Variants in MRPL30 observed in about 807,000 individuals in gnomAD.
MRPL30 encodes the protein large ribosomal subunit protein uL30m.
MRPL30 carries 10 observed loss-of-function variants against 17.2 expected under a neutral mutation model. The observed-to-expected ratio is 0.58, with a 90% confidence interval of 0.36 to 0.99. The LOEUF is 0.99. MRPL30 is among the 50% of genes least tolerant of loss of function. The pLI is 0.01. For missense variants in MRPL30, 170 were observed against 189.8 expected, an observed-to-expected ratio of 0.90 and a Z score of 0.61; for synonymous variants, 61 against 62.1, an observed-to-expected ratio of 0.98 and a Z score of 0.08.
chr2:99,195,692 C>G lies in MRPL30; in HGVS notation c.473C>G (p.Ala158Gly), dbSNP rs747656275. Residue 158 changes from alanine (A) to glycine (G), a missense_variant, in exon 6 of 6, where the codon GCA becomes GGA. By Grantham distance (60) the Ala-to-Gly change is moderately conservative. Coordinates refer to ENST00000338148, the MANE Select transcript of MRPL30 (RefSeq NM_145212.4). Reference sequence around the variant, plus strand: ...CATCTGAAACCTGTGGAGCAGAAAGCACATGAGTCCTAATGCCCCAGCAGC... The same window carrying G: ...CATCTGAAACCTGTGGAGCAGAAAGGACATGAGTCCTAATGCCCCAGCAGC... ...QWHLKPVEQK[A>G]HES 1.7e-5 allele frequency: 28 copies of G among 1,612,464 alleles called. No individual in the cohort carries two copies. The highest frequency in any genetic ancestry group is 2.2e-5 in the Non-Finnish European group (26 of 1,179,618).
At chr2:99,185,356 A>G (rs1456499759) in intron 1 of MRPL30, among the ~76,000 whole-genome samples, 2 of 152,218 alleles carry the variant, frequency 1.3e-5, no homozygotes, top group Non-Finnish European at 2.9e-5. Context: ...AGGGCTTCCC[A>G]CATGCCAGGT....
In MRPL30 at chr2:99,193,079, C is replaced by T. The variant is rs372815110; in HGVS notation, c.133-1672C>T. The stretch of plus-strand genomic sequence containing the variant: ...GAGAAAAATTTTGCAATCTACCCAT[C>T]TGACAAAGGTCTAATATCCAGAATC... On this transcript the variant is annotated intron_variant, in intron 3 of 5. Coordinates refer to ENST00000338148, the MANE Select transcript of MRPL30 (RefSeq NM_145212.4). Among the ~76,000 whole-genome samples, 8 of 152,278 alleles carry T rather than the reference C, an allele frequency of 5.3e-5. No homozygotes were observed. In the East Asian group the frequency reaches 1.2e-3, roughly 22 times the overall value.
chr2:99,187,184 A>C (rs1238603059), intron 2 of MRPL30, among the ~76,000 whole-genome samples: 1 of 152,192 alleles, frequency 6.6e-6, no homozygotes, highest in Non-Finnish European at 1.5e-5. Flanking sequence ...CTAGTGGTTT[A>C]TGCCATCTCT....
intron 1 of MRPL30, among the ~76,000 whole-genome samples, chr2:99,183,720 T>A (rs1240242704): frequency 2.6e-5 from 4 of 152,204 alleles, no homozygotes; most frequent in Non-Finnish European, 2.9e-5. Context: ...TGCTACACTG[T>A]TTCCCCCTTT....
chr2:99,193,820 C>T (rs1288208441), intron 3 of MRPL30, among the ~76,000 whole-genome samples: 1 of 152,050 alleles, frequency 6.6e-6, no homozygotes, highest in Non-Finnish European at 1.5e-5. Context: ...GGGCGGATCA[C>T]AAGGTCAGGA....
At chr2:99,183,587 G>T (rs1335838869) in intron 1 of MRPL30, among the ~76,000 whole-genome samples, 1 of 146,924 alleles carries the variant, frequency 6.8e-6, no homozygotes, top group Non-Finnish European at 1.5e-5. Context: ...AAAAAAAATT[G>T]ATTTTCACTG....
intron 5 of MRPL30, 46 bp from the exon 6 acceptor site, chr2:99,195,527 G>T (rs375211761): frequency 6.4e-7 from 1 of 1,568,034 alleles, no homozygotes; most frequent in Admixed American, 2.1e-5. Context: ...GATATAGAAC[G>T]CTAGAACGTA....
chr2:99,194,618 G>T, intron 3 of MRPL30, 133 bp from the exon 4 acceptor site: 1 of 750,010 alleles, frequency 1.3e-6, no homozygotes, highest in South Asian at 2.1e-5. Flanking sequence ...ATCTGAGGTT[G>T]AGGATTACAT....
chr2:99,194,708 G>C (rs906969210), intron 3 of MRPL30, 43 bp from the exon 4 acceptor site: 2 of 1,542,432 alleles, frequency 1.3e-6, no homozygotes, highest in Non-Finnish European at 1.7e-6. Flanking sequence ...CACAGAAACT[G>C]TGTAAGTTGG....
rs146055482 is a variant in MRPL30, at chr2:99,194,833, T to C, written c.215T>C (p.Ile72Thr). ...NPHKLHIVTR[I>T]KSTRRRPYWE... is the part of the protein sequence containing the mutation. ...CATAAACTGCATATTGTTACCAGAA[T>C]AAAAAGTACAAGAAGACGTCCATAT... The change falls in exon 4 of 6, where the codon ATA becomes ACA. Residue 72 changes from isoleucine (I) to threonine (T), a missense_variant. Transcript: ENST00000338148. 9 of 1,595,648 alleles carry C rather than the reference T, an allele frequency of 5.6e-6. No homozygotes were observed. The highest frequency in any genetic ancestry group is 6.8e-6 in the Non-Finnish European group (8 of 1,173,758).
intron 1 of MRPL30, among the ~76,000 whole-genome samples, chr2:99,182,437 C>G (rs1404980927): frequency 6.6e-6 from 1 of 152,216 alleles, no homozygotes; most frequent in African/African-American, 2.4e-5. Flanking sequence ...CGCCTGTAGT[C>G]CCAGCTACTG....
At chr2:99,192,595 A>G (rs2093948559) in intron 3 of MRPL30, among the ~76,000 whole-genome samples, 1 of 152,202 alleles carries the variant, frequency 6.6e-6, no homozygotes, top group African/African-American at 2.4e-5. Context: ...ATAGTATTCC[A>G]TGGTGTATAT....
chr2:99,185,867 C>A, intron 1 of MRPL30: 1 of 419,746 alleles, frequency 2.4e-6, no homozygotes, highest in Non-Finnish European at 4.7e-6. Context: ...TTCTGTGATT[C>A]TATGGCAAAG....
chr2:99,181,603 C>CTT (rs5832868), intron 1 of MRPL30, among the ~76,000 whole-genome samples: 6 of 140,714 alleles, frequency 4.3e-5, no homozygotes, highest in African/African-American at 1.1e-4. Flanking sequence ...ATTAAGGTTG[C>CTT]TTTTTTTTTT....
At chr2:99,187,692 G>A (rs745942534) in intron 2 of MRPL30, among the ~76,000 whole-genome samples, 3 of 152,132 alleles carry the variant, frequency 2.0e-5, no homozygotes, top group Non-Finnish European at 4.4e-5. Context: ...GCTGGACGTG[G>A]TGGTGGGCGC....
At chr2:99,190,073 T>C (rs1404841674) in intron 3 of MRPL30, among the ~76,000 whole-genome samples, 2 of 151,970 alleles carry the variant, frequency 1.3e-5, no homozygotes, top group Admixed American at 6.6e-5. Context: ...TGCAGTGACC[T>C]ATAATTGTGC....
Position 99,193,183 on chromosome 2 carries a change from C to T in MRPL30, c.133-1568C>T, listed in dbSNP as rs552923019. 1.1e-4 allele frequency among the ~76,000 whole-genome samples: 17 copies of T among 152,198 alleles called. No homozygotes were observed. In the South Asian group the frequency reaches 3.5e-3, roughly 32 times the overall value. On this transcript the variant is annotated intron_variant, in intron 3 of 5. Transcript: ENST00000338148. ...GCAAAGGAAATGAACAGACACTTCT[C>T]AAAAGAAGATATTTATGTGGCCAAG... is the stretch of plus-strand genomic sequence containing the variant.
chr2:99,194,021 G>C (rs955813376), intron 3 of MRPL30, among the ~76,000 whole-genome samples: 1 of 143,566 alleles, frequency 7.0e-6, no homozygotes, highest in African/African-American at 2.6e-5. Flanking sequence ...CTGGGCGATA[G>C]AGCAAGACTC....
Position 99,198,342 on chromosome 2 carries a change from G to A in MRPL30, c.*2637G>A, listed in dbSNP as rs2105252257. ...TGTAGCTTTGACAGGGAAGGGATCT[G>A]CTCCCAAGCACTCTCAGGTTGTTGG... On this transcript the variant is annotated 3_prime_UTR_variant, in exon 6 of 6. Transcript: ENST00000338148. Among the ~76,000 whole-genome samples the A allele has an allele frequency of 6.6e-6, 1 of 152,296 alleles. No homozygotes were observed. Among genetic ancestry groups the A allele is most frequent in the Admixed American group, 6.5e-5 (1 of 15,306 alleles).
Sources: allele counts gnomAD v4.1 joint callset (sites outside exome capture counted in the v4.1 genomes callset), GRCh38; gene constraint gnomAD v4.1.1; transcripts MANE v1.5; gene names NCBI Gene and HGNC (gene_info 2026-07-23, HGNC 2026-07-21).